GSS: variants seen among roughly 807,000 people sequenced by gnomAD.
GSS encodes the protein glutathione synthetase.
GSS carries 34 observed loss-of-function variants against 60.4 expected under a neutral mutation model. The observed-to-expected ratio is 0.56, with a 90% CI of 0.43 to 0.75. GSS has a LOEUF of 0.75. Ranked by LOEUF, GSS falls within the 30% of genes least tolerant of loss-of-function variation. The pLI, the probability that GSS is intolerant of heterozygous loss-of-function variation, is 0.00. For missense variants in GSS, 499 were observed against 595.1 expected, an observed-to-expected ratio of 0.84 and a Z score of 1.68; for synonymous variants, 224 against 239.0, an observed-to-expected ratio of 0.94 and a Z score of 0.58.
rs34120465 is a variant in GSS, at chr20:34,953,582, TTTTC to T, written c.-8-1726_-8-1723del. Among the ~76,000 whole-genome samples, 51 of 151,370 alleles carry T rather than the reference TTTTC, an allele frequency of 3.4e-4. No homozygotes were observed. In the East Asian group the frequency reaches 4.3e-3, roughly 13 times the overall value. On this transcript the variant is annotated intron_variant, in intron 1 of 12. Transcript: ENST00000651619. ...CTTCTTTCCTTCCTTCCTTCCTTCT[TTTTC>T]TTTCTTTCTCTCTCTCTCCCTCCCT...
chr20:34,934,478 T>C (rs1276300800), intron 9 of GSS, among the ~76,000 whole-genome samples: 2 of 152,064 alleles, frequency 1.3e-5, no homozygotes. Context: ...GGTTTCACCA[T>C]GTTGGCCAGG....
chr20:34,932,422 AC>A (rs1438457512), intron 9 of GSS, among the ~76,000 whole-genome samples: 2 of 151,766 alleles, frequency 1.3e-5, no homozygotes, highest in African/African-American at 4.8e-5. Context: ...TGTGTTCCAT[AC>A]TCCCTACCAT....
intron 1 of GSS, chr20:34,952,311 A>C (rs773866639): frequency 4.4e-6 from 1 of 226,840 alleles, no homozygotes; most frequent in Non-Finnish European, 8.9e-6. Context: ...AACAAGAAGA[A>C]TCGGATAGAT....
At chr20:34,939,520 T>C (rs180804031) in intron 6 of GSS, among the ~76,000 whole-genome samples, 3 of 152,276 alleles carry the variant, frequency 2.0e-5, no homozygotes, top group South Asian at 2.1e-4. Flanking sequence ...AGAGAGAACA[T>C]AGGCTTTAGA....
chr20:34,947,950 T>C lies in GSS; in HGVS notation c.130-1852A>G, dbSNP rs959194117. 4.2e-3 allele frequency among the ~76,000 whole-genome samples: 114 copies of C among 27,338 alleles called. 1 individual carries two copies. The highest frequency in any genetic ancestry group is 0.028 in the Middle Eastern group (1 of 36). The allele number at this position is 27,338 out of a possible 152,430, so 17.9% of individuals were successfully genotyped here. ...TTTCTAAATTACCCTTCTCAGCATC[T>C]TTTTTTTTTTTTTTTGGAGTGGGGT... On this transcript the variant is annotated intron_variant, in intron 2 of 12. Transcript: ENST00000651619.
At chr20:34,941,907 A>G in intron 5 of GSS, 78 bp from the exon 6 acceptor site, 2 of 799,510 alleles carry the variant, frequency 2.5e-6, no homozygotes, top group Non-Finnish European at 4.5e-6. Flanking sequence ...TATATACAGC[A>G]ACATGACTCT....
chr20:34,939,695 AGTCTCGCTCT>A (rs2081468413), intron 6 of GSS, among the ~76,000 whole-genome samples: 1 of 145,626 alleles, frequency 6.9e-6, no homozygotes, highest in Admixed American at 6.9e-5. Context: ...TTTGAGATGG[AGTCTCGCTCT>A]GTCGCCCAGG....
Position 34,928,573 on chromosome 20 carries a change from G to A in GSS, c.*255C>T, listed in dbSNP as rs2081370168. The stretch of plus-strand genomic sequence containing the variant: ...AGGCTGATGAGGGGCTGACAGGAGT[G>A]GGGCAGGGTTCATGGACCTTTACCT... On this transcript the variant is annotated 3_prime_UTR_variant, in exon 13 of 13. Coordinates refer to ENST00000651619, the MANE Select transcript of GSS (RefSeq NM_000178.4). 1 of 558,544 alleles carries A rather than the reference G, an allele frequency of 1.8e-6. No individual in the cohort carries two copies. The highest frequency in any genetic ancestry group is 3.2e-6 in the Non-Finnish European group (1 of 310,466). The allele number at this position is 558,544 out of a possible 1,614,324, so 34.6% of individuals were successfully genotyped here.
At chr20:34,930,454 C>G (rs2147121256) in intron 11 of GSS, among the ~76,000 whole-genome samples, 1 of 152,234 alleles carries the variant, frequency 6.6e-6, no homozygotes, top group Non-Finnish European at 1.5e-5. Flanking sequence ...TTTAACTCCT[C>G]CCTTCCACTA....
Position 34,941,723 on chromosome 20 carries a change from C to T in GSS, c.598G>A (p.Gly200Ser), listed in dbSNP as rs193267972. ...LGIAKAWELY[G>S]SPNALVLLIA... ...TTTTCACACCCTTACTTGGGTGAGC[C>T]GTAGAGCTCCCAGGCTTTGGCAATT... The change falls in exon 6 of 13, where the codon GGC (glycine) becomes AGC (serine). Residue 200 changes from glycine to serine, a missense_variant. Transcript: ENST00000651619. 116 of 1,585,406 alleles carry T rather than the reference C, an allele frequency of 7.3e-5. No homozygotes were observed. In the African/African-American group the frequency reaches 1.2e-3, roughly 17 times the overall value.
At chr20:34,955,908 G>A (rs1035190938), upstream of GSS, 2 of 152,412 alleles carry the variant, frequency 1.3e-5, no homozygotes, top group African/African-American at 4.8e-5. Flanking sequence ...GGCGGTCGAT[G>A]AGAGGGCGGC....
intron 9 of GSS, 82 bp from the exon 10 acceptor site, chr20:34,932,215 A>C: frequency 9.4e-7 from 1 of 1,064,272 alleles, no homozygotes; most frequent in Non-Finnish European, 1.5e-6. Context: ...ATTAGGTGCC[A>C]GGTATCATGA....
chr20:34,945,625 AT>A (rs1222923187), intron 3 of GSS, among the ~76,000 whole-genome samples: 5 of 152,258 alleles, frequency 3.3e-5, no homozygotes, highest in Admixed American at 1.3e-4. Context: ...CTAATTCCAA[AT>A]GGAAATATCA....
intron 1 of GSS, chr20:34,952,950 C>T (rs2081581116): frequency 6.6e-6 from 1 of 152,202 alleles, no homozygotes; most frequent in Non-Finnish European, 1.5e-5. Flanking sequence ...TGACTACATT[C>T]CATATATGGA....
chr20:34,953,450 G>C (rs1162441831), intron 1 of GSS, among the ~76,000 whole-genome samples: 1 of 152,088 alleles, frequency 6.6e-6, no homozygotes, highest in African/African-American at 2.4e-5. Flanking sequence ...AAAGAACAAG[G>C]TTCAAGTCAG....
At position 34,928,638 on chromosome 20, in the gene GSS, T is replaced by G; in HGVS notation, c.*190A>C. 1 of 667,918 alleles carries G rather than the reference T, an allele frequency of 1.5e-6. No homozygotes were observed. Among genetic ancestry groups the G allele is most frequent in the Non-Finnish European group, 2.7e-6 (1 of 372,948 alleles). 41.4% of individuals were successfully genotyped at this position (667,918 alleles called of 1,614,324 possible). The stretch of plus-strand genomic sequence containing the variant: ...CTGAGCTATACCCACATCTCAAGGA[T>G]TTGGGGGCGTCTAGATCTCATCTAA... On this transcript the variant is annotated 3_prime_UTR_variant, in exon 13 of 13. Transcript: ENST00000651619.
intron 3 of GSS, among the ~76,000 whole-genome samples, chr20:34,943,514 T>G (rs900185939): frequency 6.6e-6 from 1 of 152,100 alleles, no homozygotes; most frequent in Non-Finnish European, 1.5e-5. Context: ...CCTTGGAGAT[T>G]AGAAGACAGC....
At chr20:34,948,922 G>A (rs1271309081) in intron 2 of GSS, among the ~76,000 whole-genome samples, 1 of 152,178 alleles carries the variant, frequency 6.6e-6, no homozygotes, top group Admixed American at 6.5e-5. Flanking sequence ...TTCTCTAAAG[G>A]GGGCAGCCAG....
At chr20:34,931,680 C>T (rs2081402742) in intron 10 of GSS, 1 of 622,032 alleles carries the variant, frequency 1.6e-6, no homozygotes, top group Admixed American at 2.6e-5. Flanking sequence ...TTCTTGCCAC[C>T]TGCCTTAGTC....
Sources: allele counts gnomAD v4.1 joint callset (sites outside exome capture counted in the v4.1 genomes callset), GRCh38; gene constraint gnomAD v4.1.1; transcripts MANE v1.5; gene names NCBI Gene and HGNC (gene_info 2026-07-23, HGNC 2026-07-21).